The following CCDC73 variants were observed in gnomAD, a reference collection of about 807,000 sequenced individuals.
CCDC73 encodes the protein coiled-coil domain-containing protein 73.
CCDC73 carries 95 observed loss-of-function variants against 116.5 expected under a neutral mutation model. The ratio of observed to expected loss-of-function variants is 0.82; its 90% CI spans 0.69 to 0.97. The LOEUF (loss-of-function observed/expected upper bound fraction) is 0.97, where lower values mean the gene tolerates loss of function less well. Ranked by LOEUF, CCDC73 falls within the 50% of genes least tolerant of loss-of-function variation. The probability of loss-of-function intolerance (pLI) is 0.00; values close to 1 mark genes in which losing one functional copy is unlikely to be tolerated. For missense variants in CCDC73, 1,066 were observed against 1,206.8 expected, an observed-to-expected ratio of 0.88 and a Z score of 1.73; for synonymous variants, 398 against 401.3, an observed-to-expected ratio of 0.99 and a Z score of 0.10.
intron 9 of CCDC73, among the ~76,000 whole-genome samples, chr11:32,662,305 T>C (rs1014294271): frequency 1.3e-5 from 2 of 152,204 alleles, no homozygotes; most frequent in South Asian, 2.1e-4. Flanking sequence ...CCACCAACAG[T>C]GTAAAAGTGT....
At chr11:32,632,525 C>T (rs1251524525) in intron 14 of CCDC73, among the ~76,000 whole-genome samples, 1 of 151,966 alleles carries the variant, frequency 6.6e-6, no homozygotes, top group Non-Finnish European at 1.5e-5. Context: ...CGTGCCCGGC[C>T]GGTTGGTGGA....
chr11:32,723,589 A>C (rs10835959), intron 2 of CCDC73, among the ~76,000 whole-genome samples: 88,598 of 151,980 alleles, frequency 0.58, 26,155 homozygotes, highest in East Asian at 0.84. Context: ...GTTCAGGGTC[A>C]AGAATTGAAG....
intron 13 of CCDC73, among the ~76,000 whole-genome samples, 198 bp from the exon 14 acceptor site, chr11:32,636,028 C>A (rs1453863088): frequency 1.3e-5 from 2 of 152,018 alleles, no homozygotes; most frequent in African/African-American, 2.4e-5. Flanking sequence ...CTCAGCAAAA[C>A]CCTATGAGGT....
chr11:32,750,947 C>A (rs1850282811), intron 2 of CCDC73, among the ~76,000 whole-genome samples: 2 of 152,180 alleles, frequency 1.3e-5, no homozygotes, highest in Admixed American at 1.3e-4. Context: ...ATGTCTGAGT[C>A]TCACCCAAGG....
chr11:32,772,201 T>TA (rs1850497533), intron 1 of CCDC73, among the ~76,000 whole-genome samples: 1 of 152,240 alleles, frequency 6.6e-6, no homozygotes, highest in Non-Finnish European at 1.5e-5. Flanking sequence ...TAATTTTTTT[T>TA]ATTCTGCTCT....
chr11:32,780,014 C>T (rs1004939077), intron 1 of CCDC73, among the ~76,000 whole-genome samples: 5 of 152,152 alleles, frequency 3.3e-5, no homozygotes, highest in African/African-American at 1.2e-4. Flanking sequence ...TAACTCACGC[C>T]TGTAACCTCA....
At chr11:32,730,006 C>T (rs1173305223) in intron 2 of CCDC73, among the ~76,000 whole-genome samples, 5 of 152,202 alleles carry the variant, frequency 3.3e-5, no homozygotes, top group Non-Finnish European at 7.3e-5. Flanking sequence ...TAAGTCACTT[C>T]TTTTCCCCCT....
At chr11:32,633,339 G>T (rs949020095) in intron 14 of CCDC73, among the ~76,000 whole-genome samples, 1 of 152,088 alleles carries the variant, frequency 6.6e-6, no homozygotes, top group Non-Finnish European at 1.5e-5. Context: ...GATCCTAGAG[G>T]ACTATAATAA....
intron 17 of CCDC73, among the ~76,000 whole-genome samples, chr11:32,609,811 G>A (rs1702271879): frequency 6.6e-6 from 1 of 151,984 alleles, no homozygotes; most frequent in Non-Finnish European, 1.5e-5. Flanking sequence ...ATGGAGTCTC[G>A]CTCTGTCATC....
intron 1 of CCDC73, among the ~76,000 whole-genome samples, chr11:32,773,779 CAA>C (rs11448530): frequency 6.9e-6 from 1 of 144,520 alleles, no homozygotes; most frequent in Non-Finnish European, 1.5e-5. Flanking sequence ...GATGCTGTCT[CAA>C]AAAAAAAAAA....
intron 1 of CCDC73, among the ~76,000 whole-genome samples, chr11:32,770,660 G>T (rs1235637354): frequency 6.6e-6 from 1 of 152,114 alleles, no homozygotes; most frequent in African/African-American, 2.4e-5. Context: ...ACAAAGCATT[G>T]TCTGCAGTAA....
At chr11:32,716,192 T>C (rs775904361) in intron 3 of CCDC73, among the ~76,000 whole-genome samples, 3 of 152,160 alleles carry the variant, frequency 2.0e-5, no homozygotes, top group South Asian at 2.1e-4. Context: ...TAACAACATA[T>C]GAAAGTTCTT....
intron 14 of CCDC73, among the ~76,000 whole-genome samples, chr11:32,618,418 T>C (rs887965569): frequency 4.6e-5 from 7 of 152,188 alleles, no homozygotes; most frequent in South Asian, 2.1e-4. Context: ...CTGGGTCAAA[T>C]TGTAGTTCTG....
intron 17 of CCDC73, among the ~76,000 whole-genome samples, chr11:32,609,946 A>ATTTTTTT (rs34935006): frequency 2.2e-5 from 3 of 138,580 alleles, no homozygotes; most frequent in African/African-American, 2.7e-5. Context: ...AGCCCAGCTA[A>ATTTTTTT]TTTTTTTTTT....
chr11:32,800,384 A>G, the CCDC73 span, among the ~76,000 whole-genome samples: 1 of 152,246 alleles, frequency 6.6e-6, no homozygotes, highest in Non-Finnish European at 1.5e-5. Context: ...TGATCAAGCC[A>G]CTGCACTTCA....
At chr11:32,608,534 G>A (rs12365215) in intron 17 of CCDC73, among the ~76,000 whole-genome samples, 15,385 of 152,150 alleles carry the variant, frequency 0.1, 1,053 homozygotes, top group Non-Finnish European at 0.15. Flanking sequence ...CCACTTTCAC[G>A]GGCTGACATT....
intron 2 of CCDC73, among the ~76,000 whole-genome samples, chr11:32,741,791 T>G (rs1051730770): frequency 1.3e-5 from 2 of 152,090 alleles, no homozygotes; most frequent in Admixed American, 1.3e-4. Flanking sequence ...GTATTTCTCC[T>G]AATGTTATCC....
At chr11:32,749,877 C>G (rs12292182) in intron 2 of CCDC73, among the ~76,000 whole-genome samples, 48 of 140,234 alleles carry the variant, frequency 3.4e-4, no homozygotes, top group African/African-American at 1.3e-3. Flanking sequence ...TTTTTTTTTT[C>G]TTTTTTTTTT....
At chr11:32,722,298 A>T (rs553971384) in intron 2 of CCDC73, among the ~76,000 whole-genome samples, 9 of 152,322 alleles carry the variant, frequency 5.9e-5, no homozygotes, top group South Asian at 4.1e-4. Context: ...TCTTAAAAAA[A>T]GGTTAACAAA....
Sources: gnomAD v4.1 joint callset for allele counts (sites outside exome capture counted in the v4.1 genomes callset) on GRCh38, gnomAD v4.1.1 for gene constraint, MANE v1.5 for transcripts, NCBI Gene and HGNC (gene_info 2026-07-23, HGNC 2026-07-21) for gene names.